ZNF804A: variants seen among roughly 807,000 people sequenced by gnomAD.
ZNF804A encodes zinc finger protein 804A.
Under a neutral mutation model 16.5 loss-of-function variants are expected in ZNF804A, and 2 were observed. That is an observed-to-expected ratio of 0.12 (90% CI 0.05 to 0.38). The LOEUF (loss-of-function observed/expected upper bound fraction) is 0.38. Among genes scored for constraint, ZNF804A ranks in the 10% least tolerant of loss-of-function variants. The probability of loss-of-function intolerance (pLI) is 0.99; values close to 1 mark genes in which losing one functional copy is unlikely to be tolerated. For missense variants in ZNF804A, 1,473 were observed against 1,390.7 expected (o/e 1.06, Z -0.94); for synonymous variants, 534 against 489.6 (o/e 1.09, Z -1.20).
intron 2 of ZNF804A, among the ~76,000 whole-genome samples, chr2:184,872,314 G>A (rs537271679): frequency 6.6e-6 from 1 of 151,998 alleles, no homozygotes. Flanking sequence ...ACTATTCTTT[G>A]AACAGTATAC....
intron 2 of ZNF804A, among the ~76,000 whole-genome samples, chr2:184,919,593 A>G (rs1466359686): frequency 2.0e-5 from 3 of 152,148 alleles, no homozygotes; most frequent in African/African-American, 7.2e-5. Context: ...TCTCCCATTC[A>G]CAGAAGTCTA....
At chr2:184,633,158 C>T (rs549167332) in intron 1 of ZNF804A, among the ~76,000 whole-genome samples, 1 of 152,302 alleles carries the variant, frequency 6.6e-6, no homozygotes, top group South Asian at 2.1e-4. Context: ...GAAGCTCACT[C>T]TGCATTGCTA....
chr2:184,838,689 A>G (rs1157280873), intron 1 of ZNF804A, among the ~76,000 whole-genome samples: 1 of 152,120 alleles, frequency 6.6e-6, no homozygotes, highest in African/African-American at 2.4e-5. Flanking sequence ...AATAAGAGCC[A>G]CACAGAAAGT....
chr2:184,816,672 A>G (rs2105789037), intron 1 of ZNF804A, among the ~76,000 whole-genome samples: 1 of 152,036 alleles, frequency 6.6e-6, no homozygotes, highest in African/African-American at 2.4e-5. Flanking sequence ...TTAGATTCCC[A>G]CAATGTTACC....
intron 1 of ZNF804A, among the ~76,000 whole-genome samples, chr2:184,813,400 G>T (rs1451041359): frequency 6.6e-6 from 1 of 152,004 alleles, no homozygotes; most frequent in Non-Finnish European, 1.5e-5. Context: ...GGAGAATTAG[G>T]GTTTGAGCTG....
rs80046066 is a variant in ZNF804A, at chr2:184,636,940, T to C, written c.111+37870T>C. Among the ~76,000 whole-genome samples, 20 of 152,284 alleles carry C rather than the reference T, an allele frequency of 1.3e-4. No individual in the cohort carries two copies. In the East Asian group the frequency reaches 3.7e-3, roughly 28 times the overall value. On this transcript the variant is annotated intron_variant, in intron 1 of 3. Coordinates refer to ENST00000302277, the MANE Select transcript of ZNF804A (RefSeq NM_194250.2). ...ACTTTTTAAAATAAATTATGATATT[T>C]CAGCTCAGAATAACTTTATCTCTGA...
chr2:184,880,927 T>A (rs1389564936), intron 2 of ZNF804A, among the ~76,000 whole-genome samples: 1 of 152,040 alleles, frequency 6.6e-6, no homozygotes, highest in African/African-American at 2.4e-5. Context: ...TTAAATTTCA[T>A]AAGAATATGA....
At chr2:184,854,041 G>A (rs1327779136) in intron 1 of ZNF804A, among the ~76,000 whole-genome samples, 2 of 151,708 alleles carry the variant, frequency 1.3e-5, no homozygotes, top group Non-Finnish European at 2.9e-5. Context: ...ATCAGGTCCT[G>A]GGCTTTTCTT....
chr2:184,616,439 TA>T (rs2105676153), intron 1 of ZNF804A, among the ~76,000 whole-genome samples: 1 of 152,312 alleles, frequency 6.6e-6, no homozygotes, highest in East Asian at 1.9e-4. Flanking sequence ...GGCATTGTTG[TA>T]AAGATTAAAT....
At chr2:184,610,120 T>C (rs1362187490) in intron 1 of ZNF804A, among the ~76,000 whole-genome samples, 2 of 152,162 alleles carry the variant, frequency 1.3e-5, no homozygotes, top group Non-Finnish European at 2.9e-5. Context: ...TAAAAATCAA[T>C]TTGGCTGTTA....
At chr2:184,707,447 C>T (rs1018587419) in intron 1 of ZNF804A, among the ~76,000 whole-genome samples, 1 of 152,078 alleles carries the variant, frequency 6.6e-6, no homozygotes, top group Non-Finnish European at 1.5e-5. Flanking sequence ...TTGCCCCCTT[C>T]TCCCTTTAGT....
At chr2:184,816,974 C>T (rs1694992787) in intron 1 of ZNF804A, among the ~76,000 whole-genome samples, 2 of 151,902 alleles carry the variant, frequency 1.3e-5, no homozygotes, top group Admixed American at 6.6e-5. Flanking sequence ...TTAAGTACTT[C>T]AGCCATTTAA....
intron 2 of ZNF804A, among the ~76,000 whole-genome samples, chr2:184,932,681 A>G (rs17509873): frequency 0.055 from 8,393 of 152,256 alleles, 268 homozygotes; most frequent in Middle Eastern, 0.078. Flanking sequence ...GCATAATAAC[A>G]TGAACCATTA....
chr2:184,787,637 G>A (rs1298939252), intron 1 of ZNF804A, among the ~76,000 whole-genome samples: 1 of 151,702 alleles, frequency 6.6e-6, no homozygotes, highest in Non-Finnish European at 1.5e-5. Flanking sequence ...TGTTTCGTTG[G>A]CCACTTGTAT....
At chr2:184,811,119 GA>G (rs1396059780) in intron 1 of ZNF804A, among the ~76,000 whole-genome samples, 1 of 152,142 alleles carries the variant, frequency 6.6e-6, no homozygotes, top group African/African-American at 2.4e-5. Context: ...ACATTTGTCA[GA>G]TGTTCCACTT....
At chr2:184,829,919 AAAAC>A (rs1558974926) in intron 1 of ZNF804A, among the ~76,000 whole-genome samples, 7 of 100,552 alleles carry the variant, frequency 7.0e-5, no homozygotes, top group African/African-American at 3.2e-4. Flanking sequence ...AAAAAAAAAA[AAAAC>A]AAAAACAAAA....
intron 1 of ZNF804A, among the ~76,000 whole-genome samples, chr2:184,621,902 G>A (rs1173852864): frequency 1.3e-5 from 2 of 151,786 alleles, no homozygotes; most frequent in Non-Finnish European, 3.0e-5. Flanking sequence ...ACTGCAATCT[G>A]CAATGAAAAC....
chr2:184,615,144 C>T (rs1421696070), intron 1 of ZNF804A, among the ~76,000 whole-genome samples: 1 of 152,160 alleles, frequency 6.6e-6, no homozygotes, highest in Non-Finnish European at 1.5e-5. Flanking sequence ...TCCAAATGCC[C>T]ATCAATGATA....
At chr2:184,846,857 G>A (rs1695523982) in intron 1 of ZNF804A, among the ~76,000 whole-genome samples, 1 of 152,010 alleles carries the variant, frequency 6.6e-6, no homozygotes, top group African/African-American at 2.4e-5. Flanking sequence ...CCCCAATGAG[G>A]CATTGTCTTG....
Sources: allele counts gnomAD v4.1 joint callset (sites outside exome capture counted in the v4.1 genomes callset), GRCh38; gene constraint gnomAD v4.1.1; transcripts MANE v1.5; gene names NCBI Gene and HGNC (gene_info 2026-07-23, HGNC 2026-07-21).